SYTL2: variants seen among roughly 807,000 people sequenced by gnomAD.
The protein encoded by SYTL2 is synaptotagmin-like protein 2.
In SYTL2, 165 loss-of-function variants were observed where a neutral mutation model predicts 198.7. That is an observed-to-expected ratio of 0.83 (90% confidence interval 0.73 to 0.94). The LOEUF (loss-of-function observed/expected upper bound fraction) is 0.94. Ranked by LOEUF, SYTL2 falls within the 40% of genes least tolerant of loss-of-function variation. SYTL2 has a pLI of 0.00. For missense variants in SYTL2, 2,835 were observed against 2,582.8 expected, an observed-to-expected ratio of 1.10 and a Z score of -2.12; for synonymous variants, 966 against 917.7, an observed-to-expected ratio of 1.05 and a Z score of -0.95.
chr11:85,832,640 T>C, the SYTL2 span, among the ~76,000 whole-genome samples: 1 of 151,920 alleles, frequency 6.6e-6, no homozygotes, highest in African/African-American at 2.4e-5. Context: ...AGGCAGTTAG[T>C]GGAGGTATTT....
At chr11:85,768,029 G>T (rs1051592129) in intron 1 of SYTL2, among the ~76,000 whole-genome samples, 28 of 152,252 alleles carry the variant, frequency 1.8e-4, no homozygotes, top group Admixed American at 1.6e-3. Context: ...AGGGCACATA[G>T]TTAGACACTC....
At chr11:85,733,063 A>AG (rs1479667017) in intron 7 of SYTL2, among the ~76,000 whole-genome samples, 1 of 152,160 alleles carries the variant, frequency 6.6e-6, no homozygotes, top group African/African-American at 2.4e-5. Flanking sequence ...GCTGAAGGAG[A>AG]AAGTGCCTTC....
chr11:85,708,153 C>CAAA (rs201488817), intron 14 of SYTL2: 14 of 338,846 alleles, frequency 4.1e-5, no homozygotes, highest in Admixed American at 7.1e-5. Context: ...AACTCCACCT[C>CAAA]AAAAAAAAAA....
At position 85,709,493 on chromosome 11, in the gene SYTL2, CCACT is replaced by C. The variant is rs1402228296; in HGVS notation, c.5749_5752del (p.Ser1917AlafsTer3). On this transcript the variant is annotated frameshift_variant, in exon 14 of 20. Coordinates refer to ENST00000359152, the MANE Select transcript of SYTL2 (RefSeq NM_206927.4). LOFTEE classifies it high-confidence loss of function. ...TCCACTATAAACACTCATCACACTG[CCACT>C]CACCTGAAAGCATCAGAAATACATA... is the stretch of plus-strand genomic sequence containing the variant. 6.2e-7 allele frequency: 1 copy of C among 1,613,444 alleles called. No individual in the cohort carries two copies. Among genetic ancestry groups the C allele is most frequent in the Non-Finnish European group, 8.5e-7 (1 of 1,179,886 alleles).
At chr11:85,791,166 C>CAAAAAAAAAAAAAAAAAAAAAAA (rs568061365) in intron 1 of SYTL2, among the ~76,000 whole-genome samples, 1 of 39,530 alleles carries the variant, frequency 2.5e-5, no homozygotes, top group South Asian at 1.9e-3. Context: ...GAGTCTGCCT[C>CAAAAAAAAAAAAAAAAAAAAAAA]AAAAAAAAAA....
At chr11:85,813,480 C>T (rs77880759), upstream of SYTL2, among the ~76,000 whole-genome samples, 3,224 of 152,262 alleles carry the variant, frequency 0.021, 64 homozygotes, top group Admixed American at 0.039. Flanking sequence ...CCCATAGGAA[C>T]CCTTCAAAAT....
chr11:85,789,483 C>T (rs1436153888), intron 1 of SYTL2, among the ~76,000 whole-genome samples: 4 of 148,324 alleles, frequency 2.7e-5, no homozygotes, highest in African/African-American at 1.0e-4. Context: ...AAGCCTCTCA[C>T]CTTGGCCTCC....
the SYTL2 span, among the ~76,000 whole-genome samples, chr11:85,830,068 T>G: frequency 1.3e-5 from 2 of 152,326 alleles, no homozygotes; most frequent in African/African-American, 4.8e-5. Flanking sequence ...GGGATAAAGT[T>G]ACGTCTCACA....
the SYTL2 span, among the ~76,000 whole-genome samples, chr11:85,819,431 T>C: frequency 6.6e-6 from 1 of 152,210 alleles, no homozygotes; most frequent in African/African-American, 2.4e-5. Context: ...CTTATGCGGC[T>C]GCACTCAGCT....
At chr11:85,755,961 A>G (rs2091843678) in intron 2 of SYTL2, among the ~76,000 whole-genome samples, 1 of 152,086 alleles carries the variant, frequency 6.6e-6, no homozygotes, top group Non-Finnish European at 1.5e-5. Context: ...ACTGCTTTCT[A>G]AGTCCTTCCC....
At chr11:85,696,580 A>C (rs190195266) in intron 18 of SYTL2, 192 bp from the exon 19 acceptor site, 95 of 592,042 alleles carry the variant, frequency 1.6e-4, no homozygotes, top group African/African-American at 1.5e-3. Context: ...CTGGACCTAG[A>C]GTCAGCTATA....
At chr11:85,781,278 A>G (rs2153601224) in intron 1 of SYTL2, among the ~76,000 whole-genome samples, 1 of 152,288 alleles carries the variant, frequency 6.6e-6, no homozygotes, top group South Asian at 2.1e-4. Context: ...TAAAACCATC[A>G]GATCTTGTAA....
intron 9 of SYTL2, among the ~76,000 whole-genome samples, chr11:85,720,207 C>T (rs2088080975): frequency 6.6e-6 from 1 of 152,108 alleles, no homozygotes; most frequent in Non-Finnish European, 1.5e-5. Flanking sequence ...AAAGTGTGAA[C>T]AGAATAGAAG....
At chr11:85,827,364 C>T in the SYTL2 span, among the ~76,000 whole-genome samples, 3 of 152,156 alleles carry the variant, frequency 2.0e-5, no homozygotes, top group African/African-American at 7.2e-5. Flanking sequence ...CCCATGATGA[C>T]AAGGTCCTCC....
At position 85,734,565 on chromosome 11, in the gene SYTL2, G is replaced by C; in HGVS notation, c.764C>G (p.Ser255Cys). 1 of 1,614,228 alleles carries C rather than the reference G, an allele frequency of 6.2e-7. No homozygotes were observed. Among genetic ancestry groups the C allele is most frequent in the Non-Finnish European group, 8.5e-7 (1 of 1,180,034 alleles). ...STDLNKDDNQ[S>C]FPRQRTDSLK... ...GGAGTCTGTCCTTTGTCTAGGAAAAGACTGGTTATCATCTTTGTTTAAATC... is the reference window on the plus strand; with the variant it reads ...GGAGTCTGTCCTTTGTCTAGGAAAACACTGGTTATCATCTTTGTTTAAATC... The change falls in exon 7 of 20, where the codon TCT becomes TGT. Residue 255 changes from serine to cysteine, a missense_variant. By Grantham distance (112) the Ser-to-Cys change is moderately radical. Coordinates refer to ENST00000359152, the MANE Select transcript of SYTL2 (RefSeq NM_206927.4).
At chr11:85,740,473 C>T (rs917681121) in intron 4 of SYTL2, among the ~76,000 whole-genome samples, 4 of 152,164 alleles carry the variant, frequency 2.6e-5, no homozygotes, top group African/African-American at 9.7e-5. Flanking sequence ...TTCCTTTCTT[C>T]CTGGCACTAT....
intron 2 of SYTL2, among the ~76,000 whole-genome samples, chr11:85,750,711 C>T (rs547653838): frequency 6.6e-6 from 1 of 152,224 alleles, no homozygotes; most frequent in Admixed American, 6.5e-5. Context: ...CGCTCAGCAG[C>T]CATCCTGAGT....
In SYTL2 at chr11:85,709,040, A is replaced by G. The variant is rs533228211; in HGVS notation, c.5915+291T>C. On this transcript the variant is annotated intron_variant, in intron 14 of 19. Coordinates refer to ENST00000359152, the MANE Select transcript of SYTL2 (RefSeq NM_206927.4). Reference sequence around the variant, plus strand: ...TTTTTAGTAGAGATGGGGTTTCACCATGTTAGCCAGGATGGTCTCGATCTC... The same window carrying G: ...TTTTTAGTAGAGATGGGGTTTCACCGTGTTAGCCAGGATGGTCTCGATCTC... Among the ~76,000 whole-genome samples, 188 of 151,484 alleles carry G rather than the reference A, an allele frequency of 1.2e-3. 1 individual carries two copies. The highest frequency in any genetic ancestry group is 2.6e-3 in the African/African-American group (107 of 41,278).
chr11:85,729,027 C>G lies in SYTL2; in HGVS notation c.1391-1060G>C, dbSNP rs190199612. ...CATAATGGTAAAGGGATCAATGCAA[C>G]AAGAAGAGCTAGCTATCCTAAATAT... On this transcript the variant is annotated intron_variant, in intron 7 of 19. Coordinates refer to ENST00000359152, the MANE Select transcript of SYTL2 (RefSeq NM_206927.4). Among the ~76,000 whole-genome samples the G allele has an allele frequency of 4.1e-4, 62 of 152,276 alleles. 1 individual carries two copies. The East Asian group carries it at 9.1e-3, about 22-fold the overall frequency.
Sources: gnomAD v4.1 joint callset for allele counts (sites outside exome capture counted in the v4.1 genomes callset) on GRCh38, gnomAD v4.1.1 for gene constraint, MANE v1.5 for transcripts, NCBI Gene and HGNC (gene_info 2026-07-23, HGNC 2026-07-21) for gene names.